The following ARHGEF12 variants were observed in gnomAD, a reference collection of about 807,000 sequenced individuals.
ARHGEF12 encodes KMT2A/ARHGEF12 fusion protein.
Under a neutral mutation model 211.2 loss-of-function variants are expected in ARHGEF12, and 66 were observed. The observed-to-expected ratio is 0.31, with a 90% CI of 0.26 to 0.38. ARHGEF12 has a LOEUF of 0.38. ARHGEF12 is among the 10% of genes least tolerant of loss of function. The pLI, the probability that ARHGEF12 is intolerant of heterozygous loss-of-function variation, is 1.00. For synonymous variants in ARHGEF12, 592 were observed against 638.4 expected, an observed-to-expected ratio of 0.93 and a Z score of 1.09; for missense variants, 1,429 against 1,869.5, an observed-to-expected ratio of 0.76 and a Z score of 4.34.
At chr11:120,427,159 AGCCACCAT>A (rs1422262668) in intron 7 of ARHGEF12, among the ~76,000 whole-genome samples, 1 of 152,070 alleles carries the variant, frequency 6.6e-6, no homozygotes, top group Non-Finnish European at 1.5e-5. Context: ...TACAGGCATG[AGCCACCAT>A]GCCTGGCCTG....
At chr11:120,342,130 T>G (rs1942555534) in intron 1 of ARHGEF12, among the ~76,000 whole-genome samples, 1 of 152,214 alleles carries the variant, frequency 6.6e-6, no homozygotes, top group Non-Finnish European at 1.5e-5. Flanking sequence ...ATTGTTTTTT[T>G]TCATTTTAAA....
intron 27 of ARHGEF12, 142 bp from the exon 28 acceptor site, chr11:120,465,095 C>T (rs1946659953): frequency 3.0e-6 from 3 of 1,008,162 alleles, no homozygotes; most frequent in Non-Finnish European, 3.0e-6. Context: ...AATGGAGAAC[C>T]ATTGATATTC....
intron 4 of ARHGEF12, among the ~76,000 whole-genome samples, chr11:120,412,922 C>G (rs1944930123): frequency 6.6e-6 from 1 of 152,168 alleles, no homozygotes; most frequent in Non-Finnish European, 1.5e-5. Context: ...TCATCCTTCA[C>G]TCTTTGGTTT....
intron 15 of ARHGEF12, among the ~76,000 whole-genome samples, chr11:120,443,016 A>G (rs1591598224): frequency 6.9e-6 from 1 of 145,148 alleles, no homozygotes; most frequent in African/African-American, 2.5e-5. Flanking sequence ...CTATGGAGTG[A>G]CTGTCTTTTT....
chr11:120,405,588 C>T (rs1020167106), intron 1 of ARHGEF12, among the ~76,000 whole-genome samples: 4 of 152,094 alleles, frequency 2.6e-5, no homozygotes, highest in African/African-American at 9.7e-5. Flanking sequence ...ATCACGATGA[C>T]ATAGATCAAT....
At chr11:120,405,559 C>T (rs1273544498) in intron 1 of ARHGEF12, among the ~76,000 whole-genome samples, 1 of 152,036 alleles carries the variant, frequency 6.6e-6, no homozygotes, top group East Asian at 1.9e-4. Flanking sequence ...GTTATTAAAT[C>T]TAAACCTAAT....
At chr11:120,379,817 T>C (rs891822760) in intron 1 of ARHGEF12, among the ~76,000 whole-genome samples, 54 of 152,174 alleles carry the variant, frequency 3.5e-4, no homozygotes, top group African/African-American at 1.3e-3. Context: ...CTCTTTATTA[T>C]GTATTATGTA....
intron 12 of ARHGEF12, chr11:120,439,505 G>C (rs960698341): frequency 6.6e-6 from 1 of 152,228 alleles, no homozygotes; most frequent in South Asian, 2.1e-4. Flanking sequence ...ACTCTCTGGC[G>C]CAAAATGTCA....
Position 120,433,782 on chromosome 11 carries a change from C to T in ARHGEF12, c.924+1871C>T, listed in dbSNP as rs139323982. Among the ~76,000 whole-genome samples, 98 of 152,122 alleles carry T rather than the reference C, an allele frequency of 6.4e-4. 1 individual carries two copies. Among genetic ancestry groups the T allele is most frequent in the African/African-American group, 2.2e-3 (93 of 41,498 alleles). On this transcript the variant is annotated intron_variant, in intron 11 of 40. Coordinates refer to ENST00000397843, the MANE Select transcript of ARHGEF12 (RefSeq NM_015313.3). ...CAGCCTGGCCAACATAGTGAAACCC[C>T]GTCTCTACTAAAAATACAAAAAAAA...
intron 15 of ARHGEF12, among the ~76,000 whole-genome samples, chr11:120,443,469 C>G (rs7943147): frequency 0.22 from 32,722 of 152,144 alleles, 3,791 homozygotes; most frequent in African/African-American, 0.24. Context: ...TCACATTAGT[C>G]TGCAAATGTT....
Position 120,474,574 on chromosome 11 carries a change from A to C in ARHGEF12, c.3048A>C (p.Thr1016=). 4 of 1,611,366 alleles carry C rather than the reference A, an allele frequency of 2.5e-6. No individual in the cohort carries two copies. Among genetic ancestry groups the C allele is most frequent in the Non-Finnish European group, 3.4e-6 (4 of 1,179,280 alleles). Residue 1016 remains threonine (T), a synonymous_variant, in exon 32 of 41, where the codon ACA becomes ACC. Coordinates refer to ENST00000397843, the MANE Select transcript of ARHGEF12 (RefSeq NM_015313.3). ...TATTTTGCCAGAATTTGGATTTAAC[A>C]AAAAGGAAGATGATTCATGAAGGGC... ...NVEELRNLDL[T]KRKMIHEGPL...
intron 1 of ARHGEF12, chr11:120,385,184 T>C (rs548755117): frequency 4.9e-4 from 235 of 475,016 alleles, no homozygotes; most frequent in African/African-American, 4.5e-3. Context: ...CTGAGTGATA[T>C]TCTAGGGAAA....
intron 1 of ARHGEF12, among the ~76,000 whole-genome samples, chr11:120,387,712 A>G (rs1944082354): frequency 6.6e-6 from 1 of 152,172 alleles, no homozygotes; most frequent in Admixed American, 6.5e-5. Flanking sequence ...AAAGTAGTTT[A>G]CTAAAGCATT....
At chr11:120,383,406 T>C (rs1160798544) in intron 1 of ARHGEF12, among the ~76,000 whole-genome samples, 1 of 152,192 alleles carries the variant, frequency 6.6e-6, no homozygotes, top group Non-Finnish European at 1.5e-5. Flanking sequence ...TTGTCTACCT[T>C]ATTTTCATTA....
intron 1 of ARHGEF12, among the ~76,000 whole-genome samples, chr11:120,385,116 T>C (rs1465852893): frequency 1.3e-5 from 2 of 152,166 alleles, no homozygotes; most frequent in African/African-American, 4.8e-5. Context: ...GTATTTGGCC[T>C]GTTCTGCTAG....
chr11:120,392,496 T>A (rs1332005327), intron 1 of ARHGEF12, among the ~76,000 whole-genome samples: 1 of 152,180 alleles, frequency 6.6e-6, no homozygotes, highest in Non-Finnish European at 1.5e-5. Flanking sequence ...CTGGCATAGG[T>A]TGGTGTTTGT....
chr11:120,383,659 G>T (rs1324308562), intron 1 of ARHGEF12, among the ~76,000 whole-genome samples: 4 of 152,114 alleles, frequency 2.6e-5, no homozygotes, highest in African/African-American at 9.7e-5. Flanking sequence ...TGACAGAAGT[G>T]GGGCTCAGGT....
Position 120,457,752 on chromosome 11 carries a change from C to T in ARHGEF12, c.2221C>T (p.Arg741Ter). ...TGAACATGGGACACCAAAGCCCTTT[C>T]GAAAGTAAGTAAATCTTAAGCAGCT... ...VTEHGTPKPF[R>*]KFDSVAFGES... is the part of the protein sequence containing the mutation. The change falls in exon 24 of 41, where the codon CGA becomes TGA. Residue 741 changes from arginine (R) to a stop codon, truncating the protein, a stop_gained. Transcript: ENST00000397843. LOFTEE classifies it high-confidence loss of function. 1 of 1,608,416 alleles carries T rather than the reference C, an allele frequency of 6.2e-7. No individual in the cohort carries two copies.
intron 12 of ARHGEF12, 137 bp downstream of exon 12, chr11:120,437,519 T>C (rs1945731220): frequency 3.2e-5 from 17 of 529,182 alleles, no homozygotes; most frequent in Non-Finnish European, 4.9e-5. Flanking sequence ...TAAAGAAACT[T>C]AATAAAGATT....
Sources: gnomAD v4.1 joint callset for allele counts (sites outside exome capture counted in the v4.1 genomes callset) on GRCh38, gnomAD v4.1.1 for gene constraint, MANE v1.5 for transcripts, NCBI Gene and HGNC (gene_info 2026-07-23, HGNC 2026-07-21) for gene names.